The following MARCHF6 variants were observed in gnomAD, a reference collection of about 807,000 sequenced individuals.
MARCHF6 encodes the protein E3 ubiquitin-protein ligase MARCHF6.
MARCHF6 carries 31 observed loss-of-function variants against 133.7 expected under a neutral mutation model. The ratio of observed to expected loss-of-function variants is 0.23; its 90% CI spans 0.17 to 0.31. The LOEUF (loss-of-function observed/expected upper bound fraction) is 0.31, where lower values mean the gene tolerates loss of function less well. MARCHF6 is among the 10% of genes least tolerant of loss of function. The pLI, the probability that MARCHF6 is intolerant of heterozygous loss-of-function variation, is 1.00. For synonymous variants in MARCHF6, 395 were observed against 402.5 expected, an observed-to-expected ratio of 0.98 and a Z score of 0.22; for missense variants, 723 against 1,121.6, an observed-to-expected ratio of 0.64 and a Z score of 5.08.
chr5:10,357,714 C>T (rs763520682), intron 1 of MARCHF6, among the ~76,000 whole-genome samples: 3 of 152,090 alleles, frequency 2.0e-5, no homozygotes, highest in Admixed American at 6.5e-5. Context: ...TGCTTGTGAC[C>T]AAGTGTACAT....
chr5:10,383,816 A>G (rs560088351), intron 4 of MARCHF6, among the ~76,000 whole-genome samples: 46 of 152,370 alleles, frequency 3.0e-4, no homozygotes, highest in African/African-American at 9.9e-4. Context: ...ACAGCCTGGA[A>G]CTAAAATTCC....
At chr5:10,433,450 C>G in intron 25 of MARCHF6, 144 bp from the exon 26 acceptor site, 1 of 637,500 alleles carries the variant, frequency 1.6e-6, no homozygotes, top group Non-Finnish European at 2.9e-6. Context: ...GATGTGTCAG[C>G]CTTTACAGGT....
chr5:10,393,174 T>C (rs2126736577), intron 7 of MARCHF6, among the ~76,000 whole-genome samples: 1 of 152,222 alleles, frequency 6.6e-6, no homozygotes, highest in Admixed American at 6.5e-5. Context: ...CAAGTGATCC[T>C]CCCACCTCAG....
chr5:10,377,732 C>T, intron 1 of MARCHF6, 66 bp from the exon 2 acceptor site: 1 of 1,145,860 alleles, frequency 8.7e-7, no homozygotes, highest in Non-Finnish European at 1.3e-6. Context: ...TTGGTTTATG[C>T]TTGTTTCTTG....
Position 10,430,036 on chromosome 5 carries a change from T to C in MARCHF6, c.2642+8T>C. On this transcript the variant is annotated splice_region_variant and intron_variant, in intron 25 of 25. Transcript: ENST00000274140. Reference sequence around the variant, plus strand: ...ACATATTAAAAATGACAAGTAAGTCTGGCGTTCTGTTCGTCTCTTGTTTAA... The same window carrying C: ...ACATATTAAAAATGACAAGTAAGTCCGGCGTTCTGTTCGTCTCTTGTTTAA... 6.2e-7 allele frequency: 1 copy of C among 1,605,780 alleles called. No individual in the cohort carries two copies. Among genetic ancestry groups the C allele is most frequent in the African/African-American group, 1.3e-5 (1 of 74,918 alleles).
chr5:10,416,120 G>A (rs1739498704), intron 21 of MARCHF6, among the ~76,000 whole-genome samples: 1 of 152,082 alleles, frequency 6.6e-6, no homozygotes, highest in African/African-American at 2.4e-5. Flanking sequence ...TTACTTAAGG[G>A]CCTTACTGGA....
At chr5:10,422,446 A>G (rs960989683) in intron 22 of MARCHF6, among the ~76,000 whole-genome samples, 4 of 152,202 alleles carry the variant, frequency 2.6e-5, no homozygotes, top group African/African-American at 9.7e-5. Flanking sequence ...GGTATATCTT[A>G]TTAGACACGG....
intron 1 of MARCHF6, among the ~76,000 whole-genome samples, chr5:10,354,404 G>A (rs1190111048): frequency 6.6e-6 from 1 of 152,178 alleles, no homozygotes; most frequent in African/African-American, 2.4e-5. Context: ...ACGGCCGAGT[G>A]GAGTGAGCTG....
At chr5:10,370,642 C>T (rs916584553) in intron 1 of MARCHF6, among the ~76,000 whole-genome samples, 7 of 151,330 alleles carry the variant, frequency 4.6e-5, no homozygotes, top group African/African-American at 1.5e-4. Context: ...AAACCATTTT[C>T]TTTCTTTTTT....
intron 25 of MARCHF6, among the ~76,000 whole-genome samples, chr5:10,432,360 A>G (rs1740412577): frequency 2.0e-5 from 3 of 152,248 alleles, no homozygotes; most frequent in Admixed American, 2.0e-4. Context: ...ACAGCCTGTC[A>G]TGTGCAGGTT....
rs368884915 is a variant in MARCHF6 at position 10,375,905 on chromosome 5, C to A, written c.20-1893C>A. Among the ~76,000 whole-genome samples, 12 of 152,328 alleles carry A rather than the reference C, an allele frequency of 7.9e-5. No homozygotes were observed. The East Asian group carries it at 2.1e-3, about 27-fold the overall frequency. ...CCAATCTACACTCTATCTAGCTGCT[C>A]TGGTGGGGCCTTGGAGAACTTTTGT... is the stretch of plus-strand genomic sequence containing the variant. On this transcript the variant is annotated intron_variant, in intron 1 of 25. Coordinates refer to ENST00000274140, the MANE Select transcript of MARCHF6 (RefSeq NM_005885.4).
intron 5 of MARCHF6, 129 bp downstream of exon 5, chr5:10,387,195 T>G (rs1159524413): frequency 1.7e-6 from 1 of 579,740 alleles, no homozygotes; most frequent in Non-Finnish European, 3.0e-6. Context: ...TCTATTACAC[T>G]AACAGTTATA....
At chr5:10,419,243 A>G (rs1232405127) in intron 22 of MARCHF6, among the ~76,000 whole-genome samples, 1 of 152,208 alleles carries the variant, frequency 6.6e-6, no homozygotes, top group African/African-American at 2.4e-5. Flanking sequence ...TTTCACTTTC[A>G]GTATAGTATT....
chr5:10,422,673 AC>A (rs1435802316), intron 22 of MARCHF6, among the ~76,000 whole-genome samples: 1 of 150,034 alleles, frequency 6.7e-6, no homozygotes, highest in Non-Finnish European at 1.5e-5. Context: ...TCAACCTCTC[AC>A]CCCATTTGAA....
intron 14 of MARCHF6, 40 bp from the exon 15 acceptor site, chr5:10,403,367 G>C: frequency 1.3e-6 from 2 of 1,582,732 alleles, no homozygotes; most frequent in South Asian, 2.3e-5. Context: ...GGCAAATGTA[G>C]GGGGCACAGA....
At chr5:10,407,071 T>G in intron 16 of MARCHF6, 31 bp from the exon 17 acceptor site, 1 of 1,231,204 alleles carries the variant, frequency 8.1e-7, no homozygotes, top group Non-Finnish European at 1.2e-6. Flanking sequence ...TTGACTCTTA[T>G]AGTGGTGTCA....
intron 5 of MARCHF6, among the ~76,000 whole-genome samples, chr5:10,389,505 C>T (rs191645212): frequency 6.6e-6 from 1 of 152,056 alleles, no homozygotes; most frequent in Non-Finnish European, 1.5e-5. Context: ...TGGGTTCAAG[C>T]GATTATCCTG....
At position 10,391,715 on chromosome 5, in the gene MARCHF6, T is replaced by C; in HGVS notation, c.750T>C (p.Ala250=). Residue 250 remains alanine, a synonymous_variant, in exon 7 of 26, where the codon GCT becomes GCC. Coordinates refer to ENST00000274140, the MANE Select transcript of MARCHF6 (RefSeq NM_005885.4). ...CTGGTGTGGAGGATGCGGCAGATGC[T>C]AATAACGGAGCCCAGGGTAATGGCT... ...DDAGVEDAAD[A]NNGAQDDMNW... The C allele has an allele frequency of 3.2e-6, 5 of 1,564,740 alleles. No individual in the cohort carries two copies. The highest frequency in any genetic ancestry group is 3.5e-6 in the Non-Finnish European group (4 of 1,154,872).
chr5:10,363,881 T>G (rs1242657858), intron 1 of MARCHF6, among the ~76,000 whole-genome samples: 1 of 152,150 alleles, frequency 6.6e-6, no homozygotes, highest in East Asian at 1.9e-4. Context: ...ATGATCCTAT[T>G]TGTGTGAAAT....
Sources: gnomAD v4.1 joint callset for allele counts (sites outside exome capture counted in the v4.1 genomes callset) on GRCh38, gnomAD v4.1.1 for gene constraint, MANE v1.5 for transcripts, NCBI Gene and HGNC (gene_info 2026-07-23, HGNC 2026-07-21) for gene names.